EVI5: variants seen among roughly 807,000 people sequenced by gnomAD.
EVI5 encodes ecotropic viral integration site 5 protein homolog.
In EVI5, 73 loss-of-function variants were observed where a neutral mutation model predicts 112.0. The ratio of observed to expected loss-of-function variants is 0.65; its 90% CI spans 0.54 to 0.79. The LOEUF (loss-of-function observed/expected upper bound fraction) is 0.79, where lower values mean the gene tolerates loss of function less well. EVI5 is among the 30% of genes least tolerant of loss of function. EVI5 has a pLI of 0.00. For missense variants in EVI5, 900 were observed against 968.8 expected (o/e 0.93, Z 0.94); for synonymous variants, 305 against 319.9 (o/e 0.95, Z 0.50).
At chr1:92,602,986 C>T (rs368374372) in intron 18 of EVI5, among the ~76,000 whole-genome samples, 29 of 152,148 alleles carry the variant, frequency 1.9e-4, no homozygotes, top group East Asian at 1.2e-3. Flanking sequence ...TAAATAACTC[C>T]TATAACTCAA....
At chr1:92,521,632 C>T (rs562766714) in intron 19 of EVI5, among the ~76,000 whole-genome samples, 28 of 150,764 alleles carry the variant, frequency 1.9e-4, no homozygotes, top group African/African-American at 6.6e-4. Flanking sequence ...CGGAGGTTGC[C>T]AGTGAGCTGA....
intron 19 of EVI5, among the ~76,000 whole-genome samples, chr1:92,521,598 G>A (rs926802255): frequency 6.6e-6 from 1 of 152,032 alleles, no homozygotes; most frequent in Non-Finnish European, 1.5e-5. Context: ...GGCTGAGGCA[G>A]GAGAATCACT....
intron 18 of EVI5, among the ~76,000 whole-genome samples, chr1:92,581,595 T>C (rs1056723893): frequency 6.6e-5 from 10 of 152,208 alleles, no homozygotes; most frequent in Non-Finnish European, 1.2e-4. Flanking sequence ...CTCTCTGCTC[T>C]ACCACTGTCT....
At chr1:92,754,787 A>G (rs1290049363) in intron 1 of EVI5, among the ~76,000 whole-genome samples, 1 of 152,212 alleles carries the variant, frequency 6.6e-6, no homozygotes, top group Non-Finnish European at 1.5e-5. Context: ...AATTGGTTAC[A>G]CAAGTCAGCC....
intron 13 of EVI5, among the ~76,000 whole-genome samples, chr1:92,642,719 TAA>T (rs756224991): frequency 2.0e-5 from 3 of 152,226 alleles, no homozygotes; most frequent in Non-Finnish European, 4.4e-5. Flanking sequence ...CCTTGGTTCT[TAA>T]AAGTCCTACA....
chr1:92,572,571 C>T (rs914559897), intron 18 of EVI5, among the ~76,000 whole-genome samples: 1 of 151,970 alleles, frequency 6.6e-6, no homozygotes, highest in Non-Finnish European at 1.5e-5. Flanking sequence ...TTAGTTTATC[C>T]CTTTAATATT....
intron 19 of EVI5, among the ~76,000 whole-genome samples, chr1:92,516,973 G>C (rs1660007202): frequency 6.6e-6 from 1 of 151,972 alleles, no homozygotes; most frequent in Non-Finnish European, 1.5e-5. Context: ...CTAGTCATCT[G>C]CATAAGAACT....
At chr1:92,676,012 G>A (rs574067558) in intron 10 of EVI5, among the ~76,000 whole-genome samples, 91 of 150,874 alleles carry the variant, frequency 6.0e-4, no homozygotes, top group Non-Finnish European at 9.9e-4. Flanking sequence ...GCAGCAGTTG[G>A]GTGACAGAAT....
chr1:92,549,921 C>T (rs1398137028), intron 19 of EVI5, among the ~76,000 whole-genome samples: 1 of 152,122 alleles, frequency 6.6e-6, no homozygotes, highest in East Asian at 1.9e-4. Context: ...CTAGTTTAAC[C>T]ATTGTGGAAG....
intron 18 of EVI5, among the ~76,000 whole-genome samples, chr1:92,604,604 A>C (rs564908725): frequency 6.6e-6 from 1 of 152,364 alleles, no homozygotes; most frequent in African/African-American, 2.4e-5. Flanking sequence ...AGACTCTAAA[A>C]TAGCAATATT....
At chr1:92,663,385 T>A (rs1664350207) in intron 12 of EVI5, 35 bp downstream of exon 12, 6 of 1,116,130 alleles carry the variant, frequency 5.4e-6, no homozygotes, top group African/African-American at 1.6e-5. Flanking sequence ...TTAGAGAAGA[T>A]GTTTTAAAAA....
chr1:92,645,318 G>A (rs72724555), intron 13 of EVI5, among the ~76,000 whole-genome samples: 29,872 of 151,914 alleles, frequency 0.2, 3,487 homozygotes, highest in Middle Eastern at 0.26. Context: ...AGACACTCCA[G>A]GCTTTGTTTT....
chr1:92,542,416 T>G (rs1664969146), intron 19 of EVI5, among the ~76,000 whole-genome samples: 1 of 152,200 alleles, frequency 6.6e-6, no homozygotes. Flanking sequence ...AGTGACTTCC[T>G]CCACTGAAGT....
chr1:92,787,765 A>T (rs192087962), upstream of EVI5, among the ~76,000 whole-genome samples: 25 of 151,132 alleles, frequency 1.7e-4, no homozygotes, highest in Admixed American at 1.6e-3. Context: ...AGAGAGAAAG[A>T]GAGAGGAAGA....
intron 16 of EVI5, among the ~76,000 whole-genome samples, chr1:92,608,775 A>G (rs1008528359): frequency 6.6e-5 from 10 of 152,176 alleles, no homozygotes; most frequent in Non-Finnish European, 1.5e-4. Flanking sequence ...ATGTCACACA[A>G]TACGGCATAT....
chr1:92,551,867 T>G (rs1374474694), intron 19 of EVI5, among the ~76,000 whole-genome samples: 1 of 152,202 alleles, frequency 6.6e-6, no homozygotes, highest in Non-Finnish European at 1.5e-5. Context: ...TCTGCCTTTA[T>G]TTTTCATAAA....
At chr1:92,789,403 C>T (rs1266366532), upstream of EVI5, among the ~76,000 whole-genome samples, 6 of 151,764 alleles carry the variant, frequency 4.0e-5, no homozygotes, top group Non-Finnish European at 8.8e-5. Flanking sequence ...CCTGGGTTCA[C>T]GCCATTCTCC....
At chr1:92,792,357 G>C in exon 1 of EVI5, 1 of 1,607,326 alleles carries the variant, frequency 6.2e-7, no homozygotes, top group Non-Finnish European at 8.5e-7. Flanking sequence ...TTTCCCACTA[G>C]GGTTTCTAAA....
At chr1:92,642,345 G>A (rs1027017538) in intron 13 of EVI5, among the ~76,000 whole-genome samples, 6 of 152,078 alleles carry the variant, frequency 3.9e-5, no homozygotes, top group South Asian at 2.1e-4. Flanking sequence ...AATCACATAC[G>A]AATGTAAAAC....
Sources: allele counts gnomAD v4.1 joint callset (sites outside exome capture counted in the v4.1 genomes callset), GRCh38; gene constraint gnomAD v4.1.1; transcripts MANE v1.5; gene names NCBI Gene and HGNC (gene_info 2026-07-23, HGNC 2026-07-21).